PPIL3: variants seen among roughly 807,000 people sequenced by gnomAD.
The protein encoded by PPIL3 is peptidylprolyl isomerase like 3, also known as peptidyl-prolyl cis-trans isomerase-like 3.
Under a neutral mutation model 20.9 loss-of-function variants are expected in PPIL3, and 13 were observed. The ratio of observed to expected loss-of-function variants is 0.62; its 90% CI spans 0.40 to 0.99. PPIL3 has a LOEUF of 0.99. PPIL3 is among the 50% of genes least tolerant of loss of function. The pLI is 0.00. For synonymous variants in PPIL3, 71 were observed against 64.4 expected (o/e 1.10, Z -0.49); for missense variants, 170 against 195.2 (o/e 0.87, Z 0.77).
intron 6 of PPIL3, among the ~76,000 whole-genome samples, chr2:200,871,735 G>A (rs1346582900): frequency 6.6e-6 from 1 of 152,120 alleles, no homozygotes; most frequent in African/African-American, 2.4e-5. Flanking sequence ...ACAATACAAA[G>A]GGTAGGAATA....
intron 2 of PPIL3, 70 bp from the exon 3 acceptor site, chr2:200,885,842 T>C (rs933760245): frequency 2.3e-6 from 2 of 888,694 alleles, no homozygotes; most frequent in Non-Finnish European, 3.6e-6. Flanking sequence ...TTTATTTCCC[T>C]GTGTGGATAT....
At position 200,876,931 on chromosome 2, in the gene PPIL3, G is replaced by T. The variant is rs777293597; in HGVS notation, c.347C>A (p.Thr116Asn). ...CCAGAATACTCACTTTCCAAATACG[G>T]TGTATTTCATGTCCAAATGTGGCTG... ...GKQPHLDMKYTVFGKVIDGLE... is the reference protein window; with the variant it reads ...GKQPHLDMKYNVFGKVIDGLE... Residue 116 changes from threonine (T) to asparagine (N), a missense_variant, in exon 6 of 7, where the codon ACC (threonine) becomes AAC (asparagine). Physicochemically the swap from Thr to Asn is moderately conservative, Grantham distance 65. Transcript: ENST00000392283. The T allele has an allele frequency of 2.5e-6, 4 of 1,601,458 alleles. No homozygotes were observed. The Admixed American group carries it at 6.7e-5, about 27-fold the overall frequency.
chr2:200,882,446 TA>T lies in PPIL3; in HGVS notation c.79-12del. 1 of 1,505,882 alleles carries T rather than the reference TA, an allele frequency of 6.6e-7. No individual in the cohort carries two copies. The highest frequency in any genetic ancestry group is 1.7e-5 in the Admixed American group (1 of 59,458). 93.3% of individuals were successfully genotyped at this position (1,505,882 alleles called of 1,614,324 possible). ...AAGAGCCAAGAAATTCTGAAGGGAGTAAAAATGATTGAGAAATGATGCAGCA... is the reference window on the plus strand; with the variant it reads ...AAGAGCCAAGAAATTCTGAAGGGAGTAAAATGATTGAGAAATGATGCAGCA... On this transcript the variant is annotated splice_polypyrimidine_tract_variant and intron_variant, in intron 3 of 6. Transcript: ENST00000392283.
At chr2:200,873,791 C>T (rs926467494) in intron 6 of PPIL3, among the ~76,000 whole-genome samples, 5 of 151,850 alleles carry the variant, frequency 3.3e-5, no homozygotes, top group African/African-American at 9.7e-5. Flanking sequence ...GACTGCAACC[C>T]GTCACATGAG....
intron 5 of PPIL3, among the ~76,000 whole-genome samples, chr2:200,881,049 T>G (rs1575108033): frequency 1.3e-5 from 2 of 152,290 alleles, no homozygotes; most frequent in East Asian, 3.9e-4. Flanking sequence ...TGGGCAACAT[T>G]GCAACCAGGA....
intron 1 of PPIL3, 94 bp from the exon 2 acceptor site, chr2:200,887,779 G>T (rs1037287207): frequency 2.2e-5 from 11 of 502,148 alleles, no homozygotes; most frequent in African/African-American, 1.8e-4. Flanking sequence ...AAACCTCGCC[G>T]GGCGTGGTGG....
chr2:200,881,122 AT>A (rs2039705992), intron 5 of PPIL3, among the ~76,000 whole-genome samples: 1 of 152,158 alleles, frequency 6.6e-6, no homozygotes, highest in African/African-American at 2.4e-5. Flanking sequence ...TTCAACATGA[AT>A]TTTATGGTGA....
chr2:200,877,245 T>C (rs1184448760), intron 5 of PPIL3, among the ~76,000 whole-genome samples: 3 of 152,154 alleles, frequency 2.0e-5, no homozygotes, highest in African/African-American at 7.2e-5. Flanking sequence ...CAGGTGTGAA[T>C]CAGCACACCC....
intron 6 of PPIL3, among the ~76,000 whole-genome samples, chr2:200,872,270 G>C (rs2039332179): frequency 1.3e-5 from 2 of 152,064 alleles, no homozygotes; most frequent in Admixed American, 1.3e-4. Context: ...CAACCAAATG[G>C]AGGAGATGCA....
chr2:200,879,149 C>T (rs565792271), intron 5 of PPIL3, among the ~76,000 whole-genome samples: 4 of 151,806 alleles, frequency 2.6e-5, no homozygotes, highest in East Asian at 3.9e-4. Context: ...GACGGAGTCT[C>T]GCTCTGTCGC....
rs2039543986 is a variant in PPIL3 at position 200,876,995 on chromosome 2, T to G, written c.283A>C (p.Asn95His). ...GVVSMANNGP[N>H]TNGSQFFITY... is the part of the protein sequence containing the mutation. ...ATGAAGAACTGAGATCCATTGGTGTTCGGGCCATTATTAGCCATAGATACA... is the reference window on the plus strand; with the variant it reads ...ATGAAGAACTGAGATCCATTGGTGTGCGGGCCATTATTAGCCATAGATACA... The change falls in exon 6 of 7, where the codon AAC becomes CAC. Residue 95 changes from asparagine to histidine, a missense_variant. Asn to His is a moderately conservative substitution (Grantham distance 68, BLOSUM62 1). Coordinates refer to ENST00000392283, the MANE Select transcript of PPIL3 (RefSeq NM_130906.3). The G allele has an allele frequency of 6.2e-7, 1 of 1,613,828 alleles. No homozygotes were observed. Among genetic ancestry groups the G allele is most frequent in the South Asian group, 1.1e-5 (1 of 91,068 alleles).
intron 6 of PPIL3, among the ~76,000 whole-genome samples, chr2:200,876,220 A>G (rs970528276): frequency 4.0e-5 from 6 of 151,710 alleles, no homozygotes; most frequent in Non-Finnish European, 8.8e-5. Flanking sequence ...TGAGGTGAGA[A>G]GATCACTTGA....
chr2:200,882,053 A>C (rs894545427), intron 4 of PPIL3, among the ~76,000 whole-genome samples: 1 of 152,144 alleles, frequency 6.6e-6, no homozygotes, highest in Non-Finnish European at 1.5e-5. Flanking sequence ...GAGGGGAACA[A>C]CACACAGCAG....
At chr2:200,887,710 T>A in intron 1 of PPIL3, 25 bp from the exon 2 acceptor site, 2 of 1,045,290 alleles carry the variant, frequency 1.9e-6, no homozygotes, top group Non-Finnish European at 2.8e-6. Context: ...AAAAAAGAAT[T>A]AGGCTCATTT....
intron 5 of PPIL3, among the ~76,000 whole-genome samples, chr2:200,879,470 A>C (rs1175523637): frequency 6.6e-6 from 1 of 152,122 alleles, no homozygotes; most frequent in Non-Finnish European, 1.5e-5. Flanking sequence ...GGAACCTTAA[A>C]ATATAGTCTA....
intron 3 of PPIL3, 21 bp downstream of exon 3, chr2:200,885,677 T>C: frequency 1.4e-6 from 2 of 1,419,726 alleles, no homozygotes; most frequent in South Asian, 1.2e-5. Context: ...TGATGTTGAA[T>C]ATGTAAATAA....
In PPIL3 at chr2:200,876,902, A is replaced by G; in HGVS notation, c.359+17T>C. 6.5e-7 allele frequency: 1 copy of G among 1,539,320 alleles called. No homozygotes were observed. The highest frequency in any genetic ancestry group is 9.0e-7 in the Non-Finnish European group (1 of 1,112,096). ...TGCATTGAAATGCTAAAAGAAAACC[A>G]TAACCAGAATACTCACTTTCCAAAT... On this transcript the variant is annotated intron_variant, in intron 6 of 6. Transcript: ENST00000392283.
Position 200,876,065 on chromosome 2 carries a change from A to G in PPIL3, c.359+854T>C, listed in dbSNP as rs191186729. On this transcript the variant is annotated intron_variant, in intron 6 of 6. Transcript: ENST00000392283. The stretch of plus-strand genomic sequence containing the variant: ...TTTTTCAGATCTGTTAGTTGCTGTG[A>G]AATGCTATCATTAATGAAAATGGAC... Among the ~76,000 whole-genome samples, 684 of 152,222 alleles carry G rather than the reference A, an allele frequency of 4.5e-3. 5 individuals are homozygous for G. The highest frequency in any genetic ancestry group is 0.016 in the African/African-American group (656 of 41,526).
chr2:200,888,904 T>G (rs749990420), intron 1 of PPIL3, 52 bp downstream of exon 1: 1 of 470,990 alleles, frequency 2.1e-6, no homozygotes, highest in African/African-American at 2.0e-5. Flanking sequence ...AACACAGAAC[T>G]CAGCAAGCAT....
Sources: gnomAD v4.1 joint callset for allele counts (sites outside exome capture counted in the v4.1 genomes callset) on GRCh38, gnomAD v4.1.1 for gene constraint, MANE v1.5 for transcripts, NCBI Gene and HGNC (gene_info 2026-07-23, HGNC 2026-07-21) for gene names.